SPRED2: variants seen among roughly 807,000 people sequenced by gnomAD.
SPRED2 encodes sprouty-related, EVH1 domain-containing protein 2.
A neutral mutation model predicts 43.0 loss-of-function variants in SPRED2; 47 were observed. That is an observed-to-expected ratio of 1.09 (90% CI 0.87 to 1.40). The LOEUF (loss-of-function observed/expected upper bound fraction) is 1.40, where lower values mean the gene tolerates loss of function less well. Ranked by LOEUF, SPRED2 falls within the 40% of genes most tolerant of loss-of-function variation. The pLI is 0.00. For missense variants in SPRED2, 561 were observed against 586.4 expected (o/e 0.96, Z 0.45); for synonymous variants, 225 against 225.7 (o/e 1.00, Z 0.03).
chr2:65,427,294 G>C (rs1447949081), intron 1 of SPRED2, among the ~76,000 whole-genome samples: 1 of 152,094 alleles, frequency 6.6e-6, no homozygotes. Context: ...GCCCAGGCTG[G>C]TTTTCCTGGC....
intron 1 of SPRED2, among the ~76,000 whole-genome samples, chr2:65,354,082 C>T (rs1418299544): frequency 1.3e-5 from 2 of 152,192 alleles, no homozygotes; most frequent in African/African-American, 2.4e-5. Flanking sequence ...AAGTTAAACA[C>T]GTAAGCTTTA....
chr2:65,417,553 T>C (rs1265318496), intron 1 of SPRED2, among the ~76,000 whole-genome samples: 2 of 152,216 alleles, frequency 1.3e-5, no homozygotes, highest in Non-Finnish European at 2.9e-5. Context: ...GTTCAACATC[T>C]ACCTGGGCCA....
intron 4 of SPRED2, among the ~76,000 whole-genome samples, chr2:65,321,303 C>A (rs539500292): frequency 5.9e-5 from 9 of 152,074 alleles, no homozygotes; most frequent in Non-Finnish European, 1.0e-4. Flanking sequence ...ACAGCCCTTG[C>A]CACCTGCAAA....
intron 2 of SPRED2, among the ~76,000 whole-genome samples, chr2:65,341,367 G>C (rs923382997): frequency 9.2e-5 from 14 of 151,928 alleles, no homozygotes; most frequent in African/African-American, 3.1e-4. Flanking sequence ...GAAACATGAT[G>C]GGGGAGGGGA....
chr2:65,347,406 C>A (rs1038526476), intron 1 of SPRED2, among the ~76,000 whole-genome samples: 1 of 152,132 alleles, frequency 6.6e-6, no homozygotes, highest in South Asian at 2.1e-4. Context: ...TTAAGTGCCA[C>A]CTGGCATCCT....
chr2:65,416,974 T>A (rs575458309), intron 1 of SPRED2, among the ~76,000 whole-genome samples: 2 of 152,236 alleles, frequency 1.3e-5, no homozygotes, highest in African/African-American at 2.4e-5. Context: ...AAAATGCTGG[T>A]TATATGTATG....
chr2:65,355,476 G>T (rs557671463), intron 1 of SPRED2, among the ~76,000 whole-genome samples: 6 of 152,102 alleles, frequency 3.9e-5, no homozygotes, highest in Admixed American at 2.0e-4. Flanking sequence ...TAGCACTTTG[G>T]GGGGACGAGG....
chr2:65,319,255 C>G (rs1195632122), intron 4 of SPRED2, among the ~76,000 whole-genome samples: 2 of 152,198 alleles, frequency 1.3e-5, no homozygotes, highest in Admixed American at 6.5e-5. Flanking sequence ...TCTGATCCCC[C>G]AAGCCATGGT....
chr2:65,327,710 T>TGTC (rs1452108005), intron 4 of SPRED2, among the ~76,000 whole-genome samples: 2 of 136,812 alleles, frequency 1.5e-5, no homozygotes, highest in Non-Finnish European at 1.5e-5. Flanking sequence ...CTTTTCTTTC[T>TGTC]TTCTTTTTTT....
rs115583129 is a variant in SPRED2 at position 65,384,736 on chromosome 2, G to A, written c.27-39840C>T. ...AGGAAGACTTCAAGACAAGAAGATCGGTTTCCACCCTGTCAGGTCCCCATT... is the reference window on the plus strand; with the variant it reads ...AGGAAGACTTCAAGACAAGAAGATCAGTTTCCACCCTGTCAGGTCCCCATT... On this transcript the variant is annotated intron_variant, in intron 1 of 5. Transcript: ENST00000356388. Among the ~76,000 whole-genome samples, 352 of 152,218 alleles carry A rather than the reference G, an allele frequency of 2.3e-3. 2 individuals are homozygous for A. Among genetic ancestry groups the A allele is most frequent in the African/African-American group, 8.2e-3 (340 of 41,534 alleles).
At chr2:65,353,683 T>A (rs1396959388) in intron 1 of SPRED2, among the ~76,000 whole-genome samples, 1 of 152,210 alleles carries the variant, frequency 6.6e-6, no homozygotes, top group East Asian at 1.9e-4. Context: ...TAGCATTCTA[T>A]GTGCCTCTAT....
chr2:65,383,835 G>C (rs1675431675), intron 1 of SPRED2, among the ~76,000 whole-genome samples: 1 of 152,166 alleles, frequency 6.6e-6, no homozygotes, highest in Non-Finnish European at 1.5e-5. Context: ...AGAGGAAATA[G>C]GCAAGTTATA....
At chr2:65,402,616 C>A (rs1444108841) in intron 1 of SPRED2, among the ~76,000 whole-genome samples, 1 of 152,174 alleles carries the variant, frequency 6.6e-6, no homozygotes, top group African/African-American at 2.4e-5. Flanking sequence ...TAGGATTGAG[C>A]CCCTGGGGTG....
chr2:65,334,497 A>C, intron 3 of SPRED2, 108 bp downstream of exon 3: 1 of 1,412,168 alleles, frequency 7.1e-7, no homozygotes, highest in Non-Finnish European at 9.7e-7. Context: ...CCTGGTCCCA[A>C]ACCCTCCCGC....
intron 1 of SPRED2, among the ~76,000 whole-genome samples, chr2:65,393,249 C>G (rs1017771696): frequency 6.6e-6 from 1 of 152,118 alleles, no homozygotes; most frequent in African/African-American, 2.4e-5. Context: ...ACATTTCCAG[C>G]CTCTACTCCC....
intron 1 of SPRED2, among the ~76,000 whole-genome samples, chr2:65,399,330 C>T (rs970635667): frequency 4.0e-5 from 6 of 148,494 alleles, no homozygotes; most frequent in Admixed American, 2.7e-4. Flanking sequence ...GTCATAAAAA[C>T]GAACAAAATA....
chr2:65,373,057 C>G (rs527422467), intron 1 of SPRED2, among the ~76,000 whole-genome samples: 26 of 152,294 alleles, frequency 1.7e-4, no homozygotes, highest in African/African-American at 6.0e-4. Context: ...GAAATGTCTT[C>G]TAAGAACTTT....
chr2:65,311,901 G>T lies in SPRED2; in HGVS notation c.*1600C>A. 1 of 985,432 alleles carries T rather than the reference G, an allele frequency of 1.0e-6. No individual in the cohort carries two copies. The highest frequency in any genetic ancestry group is 1.2e-6 in the Non-Finnish European group (1 of 829,956). The allele number at this position is 985,432 out of a possible 1,614,324, so 61.0% of individuals were successfully genotyped here. On this transcript the variant is annotated 3_prime_UTR_variant, in exon 6 of 6. Transcript: ENST00000356388. ...AAAAAGTCCCTTTCCTTGAAGACTG[G>T]TGTCCTGTGTGCAATAAAGAAGGAG...
In SPRED2 at chr2:65,327,937, T is replaced by C. The variant is rs538465416; in HGVS notation, c.438+4050A>G. On this transcript the variant is annotated intron_variant, in intron 4 of 5. Transcript: ENST00000356388. The stretch of plus-strand genomic sequence containing the variant: ...TGGGGTTTCACCATGTTGGCCAGGC[T>C]GGTCTTGAATTGCTGACCTCGTGAT... Among the ~76,000 whole-genome samples the C allele has an allele frequency of 2.1e-4, 32 of 152,096 alleles. 1 individual carries two copies. The South Asian group carries it at 4.6e-3, about 22-fold the overall frequency.
Sources: gnomAD v4.1 joint callset for allele counts (sites outside exome capture counted in the v4.1 genomes callset) on GRCh38, gnomAD v4.1.1 for gene constraint, MANE v1.5 for transcripts, NCBI Gene and HGNC (gene_info 2026-07-23, HGNC 2026-07-21) for gene names.